The following BLNK variants were observed in gnomAD, a reference collection of about 807,000 sequenced individuals.
The protein encoded by BLNK is B-cell linker protein.
BLNK carries 29 observed loss-of-function variants against 73.5 expected under a neutral mutation model. The observed-to-expected ratio is 0.39, with a 90% CI of 0.29 to 0.54. The LOEUF (loss-of-function observed/expected upper bound fraction) is 0.54. Ranked by LOEUF, BLNK falls within the 20% of genes least tolerant of loss-of-function variation. BLNK has a pLI of 0.61. For synonymous variants in BLNK, 176 were observed against 200.8 expected, an observed-to-expected ratio of 0.88 and a Z score of 1.04; for missense variants, 460 against 562.8, an observed-to-expected ratio of 0.82 and a Z score of 1.85.
intron 3 of BLNK, among the ~76,000 whole-genome samples, chr10:96,236,363 C>T (rs979245980): frequency 2.6e-5 from 4 of 152,022 alleles, no homozygotes; most frequent in South Asian, 4.1e-4. Context: ...GGACAGACAC[C>T]GAAAAGGAAC....
chr10:96,190,216 C>G lies in BLNK; in HGVS notation c.*1757G>C. On this transcript the variant is annotated 3_prime_UTR_variant, in exon 17 of 17. Transcript: ENST00000224337. ...CTCACGTCCATGTCCATCGAATCTT[C>G]CATCAGGTGGCGGCACACACTTAGG... 1.3e-6 allele frequency: 1 copy of G among 765,044 alleles called. No homozygotes were observed. Among genetic ancestry groups the G allele is most frequent in the Non-Finnish European group, 2.4e-6 (1 of 423,568 alleles). The allele number at this position is 765,044 out of a possible 1,614,324, so 47.4% of individuals were successfully genotyped here. A position where few individuals can be genotyped will look rare whatever the true frequency, so the allele number is the denominator to read the frequency against.
intron 3 of BLNK, among the ~76,000 whole-genome samples, chr10:96,240,528 G>A (rs1426943177): frequency 6.6e-6 from 1 of 152,136 alleles, no homozygotes; most frequent in Non-Finnish European, 1.5e-5. Context: ...CCAAAGTGCT[G>A]GGATAACAGG....
At chr10:96,228,146 C>G (rs182230645) in intron 4 of BLNK, among the ~76,000 whole-genome samples, 2 of 147,300 alleles carry the variant, frequency 1.4e-5, no homozygotes, top group Admixed American at 1.4e-4. Flanking sequence ...GTTGCCCAGA[C>G]TGGAGTGCAG....
Position 96,259,399 on chromosome 10 carries a change from C to T in BLNK, c.47+11953G>A, listed in dbSNP as rs566417162. On this transcript the variant is annotated intron_variant, in intron 1 of 16. Coordinates refer to ENST00000224337, the MANE Select transcript of BLNK (RefSeq NM_013314.4). ...AATGGGAAGGAGAGGGGGTAAGGCACATGGGAGGCAGGAGGGAATGCGGTA... is the reference window on the plus strand; with the variant it reads ...AATGGGAAGGAGAGGGGGTAAGGCATATGGGAGGCAGGAGGGAATGCGGTA... Among the ~76,000 whole-genome samples, 10 of 152,160 alleles carry T rather than the reference C, an allele frequency of 6.6e-5. No homozygotes were observed. In the South Asian group the frequency reaches 8.3e-4, roughly 13 times the overall value.
chr10:96,229,654 C>CTGTGTGTGTGTGTGTGTGTG (rs10625497), intron 4 of BLNK, among the ~76,000 whole-genome samples: 21 of 142,666 alleles, frequency 1.5e-4, no homozygotes, highest in South Asian at 9.4e-4. Flanking sequence ...TTACATGTGG[C>CTGTGTGTGTGTGTGTGTGTG]TGTGTGTGTG....
At chr10:96,269,413 T>A (rs1172367044) in intron 1 of BLNK, among the ~76,000 whole-genome samples, 7 of 143,852 alleles carry the variant, frequency 4.9e-5, no homozygotes, top group African/African-American at 8.2e-5. Flanking sequence ...ATGGAATATG[T>A]CTGAAAACAA....
chr10:96,202,918 C>A (rs1554896586), intron 13 of BLNK, among the ~76,000 whole-genome samples: 1 of 152,188 alleles, frequency 6.6e-6, no homozygotes, highest in African/African-American at 2.4e-5. Context: ...ATAGAACAGG[C>A]CTTCTCAGAC....
At chr10:96,250,450 G>C (rs72811039) in intron 1 of BLNK, among the ~76,000 whole-genome samples, 8 of 39,978 alleles carry the variant, frequency 2.0e-4, no homozygotes, top group Non-Finnish European at 6.7e-4. Context: ...GAGAGAAAGA[G>C]AGAGAGAGAG....
At chr10:96,226,283 A>G (rs1007821370) in intron 5 of BLNK, among the ~76,000 whole-genome samples, 3 of 152,250 alleles carry the variant, frequency 2.0e-5, no homozygotes, top group Non-Finnish European at 4.4e-5. Context: ...AGTGCTTAGC[A>G]TAGTTCTGGT....
chr10:96,238,584 A>G (rs1554905536), intron 3 of BLNK, among the ~76,000 whole-genome samples: 1 of 152,146 alleles, frequency 6.6e-6, no homozygotes, highest in Non-Finnish European at 1.5e-5. Flanking sequence ...GAGGCCCTGG[A>G]CGTGCAGCTG....
At position 96,191,958 on chromosome 10, in the gene BLNK, C is replaced by CT. The variant is rs782515286; in HGVS notation, c.*14dup. The CT allele has an allele frequency of 1.7e-5, 28 of 1,612,632 alleles. No individual in the cohort carries two copies. In the South Asian group the frequency reaches 2.5e-4, roughly 15 times the overall value. ...AAGTGTCTGAAGCAATGGTATTGAT[C>CT]TTTTTTTTCCCCCTTTATGAAACTT... On this transcript the variant is annotated 3_prime_UTR_variant, in exon 17 of 17. Coordinates refer to ENST00000224337, the MANE Select transcript of BLNK (RefSeq NM_013314.4).
chr10:96,254,411 C>T (rs1198509587), intron 1 of BLNK, among the ~76,000 whole-genome samples: 1 of 152,220 alleles, frequency 6.6e-6, no homozygotes, highest in Non-Finnish European at 1.5e-5. Flanking sequence ...TTCCAGCCTG[C>T]CTGCCTTCTC....
chr10:96,196,443 T>C (rs782175182), intron 16 of BLNK, among the ~76,000 whole-genome samples: 1 of 152,190 alleles, frequency 6.6e-6, no homozygotes, highest in Non-Finnish European at 1.5e-5. Flanking sequence ...TCCAGGCCCA[T>C]AAGCTCATTC....
chr10:96,204,474 A>T (rs2083742564), intron 12 of BLNK, 58 bp downstream of exon 12: 1 of 1,545,766 alleles, frequency 6.5e-7, no homozygotes, highest in Non-Finnish European at 8.9e-7. Context: ...GAAACAATGC[A>T]CATGTTAATT....
At chr10:96,239,142 G>C in intron 3 of BLNK, 1 of 398,660 alleles carries the variant, frequency 2.5e-6, no homozygotes, top group Non-Finnish European at 4.4e-6. Context: ...ATTTGGAAGG[G>C]TTCCAGGAAA....
Position 96,271,376 on chromosome 10 carries a change from GT to G in BLNK, c.22del (p.Thr8ProfsTer8). On this transcript the variant is annotated frameshift_variant, in exon 1 of 17. Coordinates refer to ENST00000224337, the MANE Select transcript of BLNK (RefSeq NM_013314.4). LOFTEE classifies it high-confidence loss of function. ...CCTCAACTTCTGACTGGCGGGGACG[GT>G]TATTTTATTAAGCTTGTCCATTCTG... is the stretch of plus-strand genomic sequence containing the variant. MDKLNKI[T>X]VPASQKLRQL... is the part of the protein sequence containing the mutation. 6.2e-7 allele frequency: 1 copy of G among 1,614,154 alleles called. No homozygotes were observed. The highest frequency in any genetic ancestry group is 8.5e-7 in the Non-Finnish European group (1 of 1,180,014).
chr10:96,269,510 C>T (rs989612776), intron 1 of BLNK, among the ~76,000 whole-genome samples: 1 of 151,798 alleles, frequency 6.6e-6, no homozygotes, highest in Non-Finnish European at 1.5e-5. Context: ...CCCTCTCTTT[C>T]CCTCTTCCTT....
At chr10:96,253,787 G>A (rs1006540584) in intron 1 of BLNK, among the ~76,000 whole-genome samples, 2 of 151,986 alleles carry the variant, frequency 1.3e-5, no homozygotes, top group Non-Finnish European at 2.9e-5. Context: ...AGGCCAAGGC[G>A]GGCCGATCAT....
At chr10:96,251,937 A>T (rs1404212047) in intron 1 of BLNK, among the ~76,000 whole-genome samples, 3 of 152,144 alleles carry the variant, frequency 2.0e-5, no homozygotes, top group African/African-American at 7.2e-5. Context: ...TTACTTTAGA[A>T]TCCGATAGAT....
Sources: gnomAD v4.1 joint callset for allele counts (sites outside exome capture counted in the v4.1 genomes callset) on GRCh38, gnomAD v4.1.1 for gene constraint, MANE v1.5 for transcripts, NCBI Gene and HGNC (gene_info 2026-07-23, HGNC 2026-07-21) for gene names.